Variants in GRID2 observed in about 807,000 individuals in gnomAD.
The protein encoded by GRID2 is glutamate receptor ionotropic, delta-2.
GRID2 carries 33 observed loss-of-function variants against 114.8 expected under a neutral mutation model. That is an observed-to-expected ratio of 0.29 (90% CI 0.22 to 0.38). The LOEUF (loss-of-function observed/expected upper bound fraction) is 0.38. Ranked by LOEUF, GRID2 falls within the 10% of genes least tolerant of loss-of-function variation. The pLI is 1.00. For synonymous variants in GRID2, 505 were observed against 449.9 expected, an observed-to-expected ratio of 1.12 and a Z score of -1.55; for missense variants, 1,184 against 1,257.7, an observed-to-expected ratio of 0.94 and a Z score of 0.89.
chr4:93,794,266 A>G (rs1734752614), intron 1 of GRID2, among the ~76,000 whole-genome samples: 1 of 152,218 alleles, frequency 6.6e-6, no homozygotes, highest in Non-Finnish European at 1.5e-5. Flanking sequence ...GCTGCTATGC[A>G]GACTGAATAA....
At chr4:92,668,072 T>C (rs62309231) in intron 2 of GRID2, among the ~76,000 whole-genome samples, 9,216 of 151,778 alleles carry the variant, frequency 0.061, 334 homozygotes, top group East Asian at 0.16. Flanking sequence ...GTGATAAAGC[T>C]TAAGTGAAGC....
At chr4:93,134,492 T>A (rs946316365) in intron 4 of GRID2, among the ~76,000 whole-genome samples, 2 of 152,114 alleles carry the variant, frequency 1.3e-5, no homozygotes, top group African/African-American at 4.8e-5. Flanking sequence ...GTAATAACTA[T>A]CACAACATGA....
chr4:93,560,735 C>T (rs956765806), intron 13 of GRID2, among the ~76,000 whole-genome samples: 3 of 152,122 alleles, frequency 2.0e-5, no homozygotes, highest in African/African-American at 7.2e-5. Context: ...CCAACTTGGC[C>T]TCCCAAAGTA....
At chr4:93,750,555 G>A (rs1732232645) in intron 14 of GRID2, among the ~76,000 whole-genome samples, 1 of 152,090 alleles carries the variant, frequency 6.6e-6, no homozygotes, top group Non-Finnish European at 1.5e-5. Context: ...GGATCACAAG[G>A]TCAGGAGATC....
intron 2 of GRID2, among the ~76,000 whole-genome samples, chr4:92,591,370 G>A (rs1334195080): frequency 1.3e-5 from 2 of 152,036 alleles, no homozygotes; most frequent in African/African-American, 2.4e-5. Flanking sequence ...CTTAGCCTGA[G>A]GTATTTTGAT....
chr4:93,786,010 C>A (rs1300090761), intron 1 of GRID2, among the ~76,000 whole-genome samples: 2 of 152,066 alleles, frequency 1.3e-5, no homozygotes, highest in South Asian at 2.1e-4. Flanking sequence ...AACATTTGAT[C>A]AAAGGACAAA....
chr4:92,650,016 C>A (rs1185087366), intron 2 of GRID2, among the ~76,000 whole-genome samples: 1 of 151,888 alleles, frequency 6.6e-6, no homozygotes, highest in Non-Finnish European at 1.5e-5. Flanking sequence ...ACTTTCACAC[C>A]ATTGTACATT....
intron 2 of GRID2, among the ~76,000 whole-genome samples, chr4:92,681,262 G>A (rs1440916005): frequency 6.6e-6 from 1 of 152,158 alleles, no homozygotes; most frequent in Non-Finnish European, 1.5e-5. Context: ...AATTGTTGAA[G>A]ACAAAGGGAA....
intron 10 of GRID2, among the ~76,000 whole-genome samples, chr4:93,454,078 A>G: frequency 6.6e-6 from 1 of 152,044 alleles, no homozygotes; most frequent in African/African-American, 2.4e-5. Flanking sequence ...AATTAAATAC[A>G]TATATGAGTT....
At chr4:93,335,060 T>TG (rs35244874) in intron 8 of GRID2, among the ~76,000 whole-genome samples, 105,478 of 152,034 alleles carry the variant, frequency 0.69, 37,583 homozygotes, top group African/African-American at 0.86. Context: ...AAAACATCTC[T>TG]ATCATTTTAA....
At chr4:93,123,904 A>T (rs1178846299) in intron 4 of GRID2, among the ~76,000 whole-genome samples, 1 of 148,936 alleles carries the variant, frequency 6.7e-6, no homozygotes, top group Non-Finnish European at 1.5e-5. Flanking sequence ...ATGAAATTAT[A>T]CAGGTGATTC....
rs144942465 is a variant in GRID2, at chr4:92,563,751, G to T, written c.89-26380G>T. 6.6e-3 allele frequency among the ~76,000 whole-genome samples: 1,006 copies of T among 151,992 alleles called. 11 individuals are homozygous for T. Among genetic ancestry groups the T allele is most frequent in the African/African-American group, 0.021 (875 of 41,486 alleles). On this transcript the variant is annotated intron_variant, in intron 1 of 15. Transcript: ENST00000282020. Reference sequence around the variant, plus strand: ...AGTTAATGACATCTTAAATATAATTGTGTCAAATTAGTCAGATATTTTTCT... The same window carrying T: ...AGTTAATGACATCTTAAATATAATTTTGTCAAATTAGTCAGATATTTTTCT...
chr4:93,081,068 C>T (rs1484687060), intron 2 of GRID2, among the ~76,000 whole-genome samples: 1 of 152,166 alleles, frequency 6.6e-6, no homozygotes, highest in Non-Finnish European at 1.5e-5. Flanking sequence ...AACACCAACA[C>T]ATTGGGGATC....
intron 4 of GRID2, among the ~76,000 whole-genome samples, chr4:93,191,928 A>G (rs571292170): frequency 6.6e-6 from 1 of 152,306 alleles, no homozygotes; most frequent in South Asian, 2.1e-4. Context: ...TATACCCATA[A>G]TATCTTCTAT....
intron 2 of GRID2, among the ~76,000 whole-genome samples, chr4:92,971,381 A>G (rs1259161323): frequency 2.0e-5 from 3 of 152,004 alleles, no homozygotes. Flanking sequence ...ATAAGGGTGC[A>G]GTTGTCAGTT....
At chr4:92,452,768 C>T (rs1720994112) in intron 1 of GRID2, among the ~76,000 whole-genome samples, 2 of 149,982 alleles carry the variant, frequency 1.3e-5, no homozygotes, top group African/African-American at 2.4e-5. Context: ...GTTACCTGCC[C>T]GTTCATGAGT....
chr4:92,802,551 A>G (rs574978201), intron 2 of GRID2, among the ~76,000 whole-genome samples: 14 of 151,916 alleles, frequency 9.2e-5, no homozygotes, highest in South Asian at 4.1e-4. Flanking sequence ...AGAGAATCCA[A>G]TGATGTTGTT....
At chr4:92,562,120 A>G (rs1727129351) in intron 1 of GRID2, among the ~76,000 whole-genome samples, 1 of 152,116 alleles carries the variant, frequency 6.6e-6, no homozygotes, top group African/African-American at 2.4e-5. Context: ...TTCATTTCTT[A>G]CAATTAGTCT....
chr4:93,121,273 C>T (rs1733760932), intron 4 of GRID2, among the ~76,000 whole-genome samples: 1 of 152,070 alleles, frequency 6.6e-6, no homozygotes. Context: ...GACCATCATC[C>T]AGATCAAGAA....
Sources: allele counts gnomAD v4.1 joint callset (sites outside exome capture counted in the v4.1 genomes callset), GRCh38; gene constraint gnomAD v4.1.1; transcripts MANE v1.5; gene names NCBI Gene and HGNC (gene_info 2026-07-23, HGNC 2026-07-21).